AUTS2: variants seen among roughly 807,000 people sequenced by gnomAD.
The protein encoded by AUTS2 is activator of transcription and developmental regulator AUTS2, also known as autism susceptibility gene 2 protein.
Under a neutral mutation model 112.4 loss-of-function variants are expected in AUTS2, and 17 were observed. The ratio of observed to expected loss-of-function variants is 0.15; its 90% CI spans 0.10 to 0.23. The LOEUF (loss-of-function observed/expected upper bound fraction) is 0.23, where lower values mean the gene tolerates loss of function less well. AUTS2 is among the 10% of genes least tolerant of loss of function. The pLI is 1.00. For synonymous variants in AUTS2, 751 were observed against 702.7 expected (o/e 1.07, Z -1.09); for missense variants, 1,510 against 1,701.6 (o/e 0.89, Z 1.98).
At chr7:70,264,960 C>T (rs548999683) in intron 4 of AUTS2, among the ~76,000 whole-genome samples, 1 of 152,308 alleles carries the variant, frequency 6.6e-6, no homozygotes, top group East Asian at 1.9e-4. Context: ...AAAGTTATCT[C>T]AATACTCTGA....
intron 2 of AUTS2, among the ~76,000 whole-genome samples, chr7:69,945,620 T>G (rs1796778785): frequency 6.6e-6 from 1 of 152,132 alleles, no homozygotes; most frequent in African/African-American, 2.4e-5. Flanking sequence ...TGTTGTTTGT[T>G]TTTTTGGGTT....
At chr7:70,496,381 C>A (rs1485924009) in intron 5 of AUTS2, among the ~76,000 whole-genome samples, 1 of 61,116 alleles carries the variant, frequency 1.6e-5, no homozygotes, top group Non-Finnish European at 3.3e-5. Context: ...ACACCCCACT[C>A]ACACACACCA....
At chr7:70,131,250 A>C (rs901744088) in intron 3 of AUTS2, among the ~76,000 whole-genome samples, 1 of 152,100 alleles carries the variant, frequency 6.6e-6, no homozygotes, top group Non-Finnish European at 1.5e-5. Context: ...CAGGAGTTTG[A>C]GACCAGCCTG....
intron 1 of AUTS2, among the ~76,000 whole-genome samples, chr7:69,695,742 G>A (rs1479971292): frequency 6.6e-6 from 1 of 151,942 alleles, no homozygotes; most frequent in Admixed American, 6.6e-5. Context: ...TTTTAAAAAT[G>A]CCCCCCTCCC....
intron 5 of AUTS2, among the ~76,000 whole-genome samples, chr7:70,491,399 GGT>G (rs1244973009): frequency 1.5e-5 from 2 of 134,016 alleles, no homozygotes; most frequent in Admixed American, 1.5e-4. Context: ...TAAATGACTT[GGT>G]GTGTGTGCGT....
At chr7:69,971,196 C>G (rs1797835848) in intron 2 of AUTS2, among the ~76,000 whole-genome samples, 2 of 151,978 alleles carry the variant, frequency 1.3e-5, no homozygotes, top group Non-Finnish European at 2.9e-5. Context: ...ATTTTTCCCC[C>G]CTAAATGCTA....
intron 5 of AUTS2, among the ~76,000 whole-genome samples, chr7:70,503,644 A>G (rs982318015): frequency 1.3e-5 from 2 of 151,034 alleles, no homozygotes; most frequent in African/African-American, 4.9e-5. Flanking sequence ...CAGCCTCCCA[A>G]GCAGCTGGGA....
intron 1 of AUTS2, among the ~76,000 whole-genome samples, chr7:69,889,570 A>G (rs1027829951): frequency 2.6e-5 from 4 of 152,206 alleles, no homozygotes. Flanking sequence ...CCAGATGACT[A>G]ATGAGCACAT....
intron 4 of AUTS2, among the ~76,000 whole-genome samples, chr7:70,310,102 TGTG>T (rs1428701537): frequency 2.0e-5 from 3 of 152,010 alleles, no homozygotes; most frequent in African/African-American, 7.3e-5. Context: ...CTGATTGAAA[TGTG>T]GTAAAGGGAG....
intron 2 of AUTS2, among the ~76,000 whole-genome samples, chr7:69,960,760 C>T (rs1017068824): frequency 5.3e-5 from 8 of 152,100 alleles, no homozygotes; most frequent in Non-Finnish European, 1.0e-4. Context: ...CCTGGAATGT[C>T]GTGTCCCTTT....
In AUTS2 at chr7:69,669,359, T is replaced by C. The variant is rs76905579; in HGVS notation, c.309+69397T>C. Among the ~76,000 whole-genome samples, 28 of 152,238 alleles carry C rather than the reference T, an allele frequency of 1.8e-4. No homozygotes were observed. In the East Asian group the frequency reaches 5.2e-3, roughly 28 times the overall value. ...TGTATGTGTATGTACAATATATATG[T>C]GTGTGTATATATATATAAGTATATA... On this transcript the variant is annotated intron_variant, in intron 1 of 18. Transcript: ENST00000342771.
chr7:70,080,912 G>A (rs890847434), intron 2 of AUTS2, among the ~76,000 whole-genome samples: 1 of 152,196 alleles, frequency 6.6e-6, no homozygotes, highest in Admixed American at 6.5e-5. Context: ...GCGTTGGAAA[G>A]AGGTGATAAA....
rs550102022 is a variant in AUTS2, at chr7:70,660,033, C to T, written c.691-38536C>T. Among the ~76,000 whole-genome samples, 5 of 152,096 alleles carry T rather than the reference C, an allele frequency of 3.3e-5. No individual in the cohort carries two copies. The South Asian group carries it at 8.3e-4, about 25-fold the overall frequency. On this transcript the variant is annotated intron_variant, in intron 5 of 18. Transcript: ENST00000342771. Reference sequence around the variant, plus strand: ...CTCTACTAAAAATACAAAAATTAGCCAGGCATGGTGATGCATGCCTGTAGT... The same window carrying T: ...CTCTACTAAAAATACAAAAATTAGCTAGGCATGGTGATGCATGCCTGTAGT...
chr7:70,143,960 C>T (rs1035107865), intron 4 of AUTS2, among the ~76,000 whole-genome samples: 3 of 151,866 alleles, frequency 2.0e-5, no homozygotes, highest in Non-Finnish European at 2.9e-5. Flanking sequence ...AAAATCTTGC[C>T]CAGACCAACA....
At chr7:70,511,886 A>C (rs1441953116) in intron 5 of AUTS2, among the ~76,000 whole-genome samples, 2 of 152,106 alleles carry the variant, frequency 1.3e-5, no homozygotes, top group African/African-American at 4.8e-5. Context: ...CTGTCCTGTC[A>C]TAATTTTTAA....
chr7:70,764,186 G>A (rs1789756784), intron 7 of AUTS2, among the ~76,000 whole-genome samples: 2 of 152,198 alleles, frequency 1.3e-5, no homozygotes, highest in Admixed American at 1.3e-4. Context: ...ACAGTCTTTG[G>A]GGGGCAGGTT....
intron 5 of AUTS2, among the ~76,000 whole-genome samples, chr7:70,462,438 A>G (rs918921914): frequency 1.3e-5 from 2 of 152,178 alleles, no homozygotes; most frequent in African/African-American, 4.8e-5. Context: ...GTGGGTATAT[A>G]GGTATTCACT....
chr7:70,071,866 T>C (rs1802783993), intron 2 of AUTS2, among the ~76,000 whole-genome samples: 1 of 152,200 alleles, frequency 6.6e-6, no homozygotes, highest in Non-Finnish European at 1.5e-5. Context: ...GCTGTTTTAT[T>C]ACTTAGTCCT....
At chr7:70,653,821 G>T (rs1298963189) in intron 5 of AUTS2, among the ~76,000 whole-genome samples, 1 of 152,174 alleles carries the variant, frequency 6.6e-6, no homozygotes, top group Non-Finnish European at 1.5e-5. Flanking sequence ...GGGCTCATGG[G>T]GACATTGTAA....
Sources: gnomAD v4.1 joint callset for allele counts (sites outside exome capture counted in the v4.1 genomes callset) on GRCh38, gnomAD v4.1.1 for gene constraint, MANE v1.5 for transcripts, NCBI Gene and HGNC (gene_info 2026-07-23, HGNC 2026-07-21) for gene names.